Variants in CNTNAP5 observed in about 807,000 individuals in gnomAD.
CNTNAP5 encodes contactin-associated protein-like 5.
A neutral mutation model predicts 150.2 loss-of-function variants in CNTNAP5; 72 were observed. That is an observed-to-expected ratio of 0.48 (90% CI 0.40 to 0.58). The LOEUF (loss-of-function observed/expected upper bound fraction) is 0.58. Among genes scored for constraint, CNTNAP5 ranks in the 20% least tolerant of loss-of-function variants. The probability of loss-of-function intolerance (pLI) is 0.00; values close to 1 mark genes in which losing one functional copy is unlikely to be tolerated. For missense variants in CNTNAP5, 1,636 were observed against 1,626.2 expected (o/e 1.01, Z -0.10); for synonymous variants, 672 against 619.8 (o/e 1.08, Z -1.25).
intron 3 of CNTNAP5, among the ~76,000 whole-genome samples, chr2:124,358,339 C>T (rs375381213): frequency 8.6e-4 from 131 of 152,056 alleles, no homozygotes; most frequent in African/African-American, 7.5e-4. Context: ...TCCAACACTA[C>T]GTTGAATAGG....
At chr2:124,343,622 A>G (rs936125299) in intron 3 of CNTNAP5, among the ~76,000 whole-genome samples, 14 of 152,218 alleles carry the variant, frequency 9.2e-5, no homozygotes, top group Non-Finnish European at 1.8e-4. Flanking sequence ...ACATAGTTGT[A>G]GAGAAACTTT....
chr2:124,902,176 C>T (rs747754342), intron 21 of CNTNAP5, among the ~76,000 whole-genome samples: 6 of 152,112 alleles, frequency 3.9e-5, no homozygotes, highest in Non-Finnish European at 7.4e-5. Context: ...TACCACCAAT[C>T]TTGAAGAAAA....
At chr2:124,766,246 T>C (rs1573603051) in intron 16 of CNTNAP5, among the ~76,000 whole-genome samples, 1 of 152,122 alleles carries the variant, frequency 6.6e-6, no homozygotes, top group East Asian at 1.9e-4. Flanking sequence ...TGTCATTAGG[T>C]GCCCTATGTA....
intron 21 of CNTNAP5, among the ~76,000 whole-genome samples, chr2:124,879,141 C>G (rs2104735749): frequency 6.6e-6 from 1 of 152,166 alleles, no homozygotes; most frequent in Non-Finnish European, 1.5e-5. Context: ...CAAATCCAGT[C>G]CGATGCTTAA....
intron 11 of CNTNAP5, among the ~76,000 whole-genome samples, chr2:124,567,029 ATAAAT>A (rs1370693316): frequency 7.9e-5 from 12 of 152,266 alleles, no homozygotes; most frequent in African/African-American, 2.9e-4. Context: ...CTTTGGATTA[ATAAAT>A]TATTTATAAT....
chr2:124,124,004 C>T (rs374935913), intron 1 of CNTNAP5, among the ~76,000 whole-genome samples: 32 of 152,150 alleles, frequency 2.1e-4, no homozygotes, highest in African/African-American at 5.5e-4. Context: ...ACCTCTCCTC[C>T]TCCAAAGTAA....
chr2:124,616,620 G>T (rs1016466114), intron 12 of CNTNAP5, among the ~76,000 whole-genome samples: 1 of 152,084 alleles, frequency 6.6e-6, no homozygotes, highest in Non-Finnish European at 1.5e-5. Flanking sequence ...TCACAACTTG[G>T]CTAACTTGCA....
intron 1 of CNTNAP5, among the ~76,000 whole-genome samples, chr2:124,206,046 T>G (rs1290837986): frequency 6.6e-6 from 1 of 152,228 alleles, no homozygotes; most frequent in Non-Finnish European, 1.5e-5. Context: ...AAATCACTTG[T>G]ATTTGTCCTA....
chr2:124,412,571 C>T (rs1197915203), intron 3 of CNTNAP5, among the ~76,000 whole-genome samples: 20 of 151,394 alleles, frequency 1.3e-4, no homozygotes, highest in Admixed American at 3.3e-4. Context: ...TCAGAAATAA[C>T]GCTGCATATC....
chr2:124,563,462 T>C (rs992020071), intron 11 of CNTNAP5, 139 bp downstream of exon 11: 41 of 609,064 alleles, frequency 6.7e-5, no homozygotes, highest in Middle Eastern at 3.1e-4. Context: ...GGTTATTATA[T>C]ACCAAACACT....
chr2:124,744,203 T>G (rs1680558881), intron 13 of CNTNAP5, among the ~76,000 whole-genome samples: 1 of 152,178 alleles, frequency 6.6e-6, no homozygotes, highest in African/African-American at 2.4e-5. Flanking sequence ...TGCCCCATTC[T>G]GTTCTCGTGG....
chr2:124,061,201 G>T lies in CNTNAP5; in HGVS notation c.82+35469G>T, dbSNP rs367770326. On this transcript the variant is annotated intron_variant, in intron 1 of 23. Transcript: ENST00000682447. ...AAGCCTCGGTATTTGCCTTGTTACT[G>T]CATTTCACCTTTCAGTGTGGAAGAG... Among the ~76,000 whole-genome samples, 12 of 152,314 alleles carry T rather than the reference G, an allele frequency of 7.9e-5. No homozygotes were observed. The East Asian group carries it at 1.4e-3, about 17-fold the overall frequency.
intron 1 of CNTNAP5, 33 bp downstream of exon 1, chr2:124,025,765 G>A: frequency 6.6e-7 from 1 of 1,516,314 alleles, no homozygotes; most frequent in South Asian, 1.1e-5. Flanking sequence ...GGGAAGGTGA[G>A]GTGGAAAACG....
chr2:124,601,681 A>C (rs115137761), intron 11 of CNTNAP5, among the ~76,000 whole-genome samples: 4,196 of 114,470 alleles, frequency 0.037, 63 homozygotes, highest in African/African-American at 0.054. Flanking sequence ...TAGAGAAAAT[A>C]ATATTCAAAG....
chr2:124,791,435 TTCACAC>T (rs1681726629), intron 18 of CNTNAP5, among the ~76,000 whole-genome samples: 1 of 152,186 alleles, frequency 6.6e-6, no homozygotes, highest in Admixed American at 6.5e-5. Flanking sequence ...CTGCTAGGTA[TTCACAC>T]TGGCGGAGGT....
chr2:124,808,445 G>T (rs1013038059), intron 19 of CNTNAP5, among the ~76,000 whole-genome samples: 2 of 151,798 alleles, frequency 1.3e-5, no homozygotes, highest in African/African-American at 4.8e-5. Context: ...AGAATTTGTC[G>T]GGCGTGATGG....
intron 13 of CNTNAP5, among the ~76,000 whole-genome samples, chr2:124,737,916 C>T (rs1289967281): frequency 1.4e-5 from 2 of 139,504 alleles, no homozygotes; most frequent in Non-Finnish European, 3.3e-5. Flanking sequence ...TAAGCTAGAA[C>T]ATTAAAAAAA....
At chr2:124,751,722 G>A (rs1384746191) in intron 14 of CNTNAP5, among the ~76,000 whole-genome samples, 1 of 152,136 alleles carries the variant, frequency 6.6e-6, no homozygotes, top group African/African-American at 2.4e-5. Context: ...ATTCCCTCAA[G>A]CTTTTGCTCT....
At chr2:124,728,896 T>TAGATAGATA (rs2105124712) in intron 13 of CNTNAP5, among the ~76,000 whole-genome samples, 1 of 152,234 alleles carries the variant, frequency 6.6e-6, no homozygotes, top group East Asian at 1.9e-4. Flanking sequence ...TAAGCTAGAC[T>TAGATAGATA]ATTTTCTATT....
Sources: allele counts gnomAD v4.1 joint callset (sites outside exome capture counted in the v4.1 genomes callset), GRCh38; gene constraint gnomAD v4.1.1; transcripts MANE v1.5; gene names NCBI Gene and HGNC (gene_info 2026-07-23, HGNC 2026-07-21).